Variants in SMC4 observed in about 807,000 individuals in gnomAD.
SMC4 encodes structural maintenance of chromosomes 4, also known as structural maintenance of chromosomes protein 4.
Under a neutral mutation model 145.6 loss-of-function variants are expected in SMC4, and 87 were observed. The observed-to-expected ratio is 0.60, with a 90% CI of 0.50 to 0.71. The LOEUF (loss-of-function observed/expected upper bound fraction) is 0.71. SMC4 is among the 30% of genes least tolerant of loss of function. SMC4 has a pLI of 0.00. For missense variants in SMC4, 1,447 were observed against 1,537.1 expected, an observed-to-expected ratio of 0.94 and a Z score of 0.98; for synonymous variants, 558 against 500.7, an observed-to-expected ratio of 1.11 and a Z score of -1.53.
chr3:160,416,471 AAAGATTATTT>A, intron 10 of SMC4, 56 bp downstream of exon 10: 1 of 1,145,792 alleles, frequency 8.7e-7, no homozygotes, highest in South Asian at 2.2e-5. Flanking sequence ...TTTTTAACTT[AAAGATTATTT>A]TTTCAAAAAT....
At chr3:160,419,581 T>TG in intron 12 of SMC4, 38 bp downstream of exon 12, 1 of 1,554,766 alleles carries the variant, frequency 6.4e-7, no homozygotes, top group Non-Finnish European at 8.6e-7. Context: ...TTTACTTTTT[T>TG]TTTTTAAGAA....
Position 160,402,760 on chromosome 3 carries a change from C to CA in SMC4, c.409dup (p.Ile137AsnfsTer4). 1 of 1,611,130 alleles carries CA rather than the reference C, an allele frequency of 6.2e-7. No homozygotes were observed. The highest frequency in any genetic ancestry group is 8.5e-7 in the Non-Finnish European group (1 of 1,179,134). On this transcript the variant is annotated frameshift_variant, in exon 4 of 24. Transcript: ENST00000357388. LOFTEE classifies it high-confidence loss of function. ...GCTTTTTGTGTTTGGCTATCGAGCA[C>CA]AAAAAATAAGATCTAAAAAACTCTC...
At chr3:160,413,284 A>G (rs1308782671) in intron 7 of SMC4, among the ~76,000 whole-genome samples, 189 bp from the exon 8 acceptor site, 6 of 152,014 alleles carry the variant, frequency 3.9e-5, no homozygotes, top group African/African-American at 7.3e-5. Context: ...ACATTGGTAC[A>G]ATGAAATCGA....
intron 7 of SMC4, chr3:160,412,660 A>G: frequency 9.6e-6 from 10 of 1,042,106 alleles, no homozygotes; most frequent in South Asian, 4.6e-5. Flanking sequence ...CTGGGAGTTC[A>G]AGACCAGCCT....
At chr3:160,432,858 T>A (rs903218628) in intron 22 of SMC4, 168 bp from the exon 23 acceptor site, 1 of 594,432 alleles carries the variant, frequency 1.7e-6, no homozygotes, top group Non-Finnish European at 3.0e-6. Context: ...TATGTATGCA[T>A]CCTCCAATAA....
intron 22 of SMC4, chr3:160,432,744 T>A (rs1218226484): frequency 1.9e-6 from 1 of 527,612 alleles, no homozygotes; most frequent in Non-Finnish European, 3.3e-6. Flanking sequence ...TTCAAGGCAT[T>A]TTTAACATGA....
chr3:160,418,921 C>T (rs961978777), intron 11 of SMC4, among the ~76,000 whole-genome samples: 9 of 152,082 alleles, frequency 5.9e-5, no homozygotes, highest in Admixed American at 5.2e-4. Flanking sequence ...GCTTTTTCTC[C>T]AGTACCCCCC....
chr3:160,413,761 C>T (rs1402924273), intron 8 of SMC4, 148 bp downstream of exon 8: 1 of 486,490 alleles, frequency 2.1e-6, no homozygotes, highest in Non-Finnish European at 3.5e-6. Context: ...AAAAAACTTG[C>T]CTTGCATCCA....
intron 20 of SMC4, 72 bp from the exon 21 acceptor site, chr3:160,431,571 T>C: frequency 8.7e-7 from 1 of 1,155,970 alleles, no homozygotes; most frequent in Non-Finnish European, 1.2e-6. Context: ...TAATTTGTCA[T>C]ATTTTTTTTT....
At position 160,404,457 on chromosome 3, in the gene SMC4, C is replaced by T. The variant is rs368979205; in HGVS notation, c.640C>T (p.Arg214Ter). The change falls in exon 5 of 24, where the codon CGA (arginine) becomes TGA (stop). Residue 214 changes from arginine to a stop codon, truncating the protein, a stop_gained. Coordinates refer to ENST00000357388, the MANE Select transcript of SMC4 (RefSeq NM_001002800.3). LOFTEE classifies it high-confidence loss of function. The part of the protein sequence containing the change: ...KTFKDVGNLL[R>*]SHGIDLDHNR... ...ATTTAAGGATGTTGGAAATCTTCTT[C>T]GAAGCCATGGAATTGACTTGGACCA... 58 of 1,610,450 alleles carry T rather than the reference C, an allele frequency of 3.6e-5. No homozygotes were observed. Among genetic ancestry groups the T allele is most frequent in the Non-Finnish European group, 4.9e-5 (58 of 1,178,900 alleles).
chr3:160,399,796 G>C (rs186856498), intron 1 of SMC4, 47 bp downstream of exon 1: 2 of 152,390 alleles, frequency 1.3e-5, no homozygotes, highest in African/African-American at 4.8e-5. Context: ...CTTACTTCCT[G>C]CCTTGTCCGC....
chr3:160,412,478 A>G (rs1716113356), intron 7 of SMC4, 25 bp downstream of exon 7: 1 of 1,577,066 alleles, frequency 6.3e-7, no homozygotes, highest in Non-Finnish European at 8.6e-7. Flanking sequence ...TGATATTACC[A>G]ATTTTTATAT....
intron 11 of SMC4, among the ~76,000 whole-genome samples, chr3:160,418,309 T>A (rs1716800881): frequency 6.6e-6 from 1 of 152,176 alleles, no homozygotes. Context: ...CAAACAACTA[T>A]CTTAATGTGT....
rs1718789411 is a variant in SMC4 at position 160,434,625 on chromosome 3, A to AAAGT, written c.*820_*823dup. On this transcript the variant is annotated 3_prime_UTR_variant, in exon 24 of 24. Coordinates refer to ENST00000357388, the MANE Select transcript of SMC4 (RefSeq NM_001002800.3). ...GGTTAATTACTTTAGTAATAAGTGG[A>AAAGT]AAGTAAGATACCTTGAGTAATGTTT... The AAAGT allele has an allele frequency of 6.6e-6, 1 of 152,234 alleles. No individual in the cohort carries two copies. Among genetic ancestry groups the AAAGT allele is most frequent in the African/African-American group, 2.4e-5 (1 of 41,464 alleles). The allele number at this position is 152,234 out of a possible 1,614,324, so 9.4% of individuals were successfully genotyped here.
intron 16 of SMC4, among the ~76,000 whole-genome samples, chr3:160,425,316 T>G (rs1317338100): frequency 6.6e-6 from 1 of 151,598 alleles, no homozygotes; most frequent in Non-Finnish European, 1.5e-5. Context: ...CAAAGTGGAA[T>G]TTTTTTTAAT....
In SMC4 at chr3:160,420,651, C is replaced by A. The variant is rs148794775; in HGVS notation, c.1858-89C>A. ...AAAACCATGTCTACATAAAGTTTTT[C>A]AATTAAAAGAAGTTTTTAAAACTTG... On this transcript the variant is annotated intron_variant, in intron 12 of 23. Transcript: ENST00000357388. The A allele has an allele frequency of 3.8e-5, 53 of 1,380,714 alleles. No homozygotes were observed. In the African/African-American group the frequency reaches 7.2e-4, roughly 19 times the overall value. The allele number at this position is 1,380,714 out of a possible 1,614,324, so 85.5% of individuals were successfully genotyped here.
chr3:160,400,572 A>T (rs1714459785), intron 1 of SMC4: 1 of 450,516 alleles, frequency 2.2e-6, no homozygotes, highest in Non-Finnish European at 3.9e-6. Flanking sequence ...CAAACTAAGC[A>T]GTTGCTCAAT....
chr3:160,412,200 T>A, intron 6 of SMC4, 116 bp downstream of exon 6: 1 of 1,422,906 alleles, frequency 7.0e-7, no homozygotes, highest in Non-Finnish European at 9.5e-7. Context: ...TATATTGAAA[T>A]TTATATCTTA....
rs1323625927 is a variant in SMC4, at chr3:160,414,514, A to T, written c.1269A>T (p.Glu423Asp). The T allele has an allele frequency of 5.0e-6, 8 of 1,610,204 alleles. No individual in the cohort carries two copies. The highest frequency in any genetic ancestry group is 6.8e-6 in the Non-Finnish European group (8 of 1,178,744). The change falls in exon 9 of 24, where the codon GAA (glutamate) becomes GAT (aspartate). Residue 423 changes from glutamate to aspartate, a missense_variant. By Grantham distance (45) the Glu-to-Asp change is conservative. Coordinates refer to ENST00000357388, the MANE Select transcript of SMC4 (RefSeq NM_001002800.3). ...AGAAACAACTTCAAAAAGATAAAGA[A>T]AAGGTAGGTGTTAGAAAAAAATTCT... Reference protein sequence around the residue: ...KLEKQLQKDKEKVEEFKSIPA... With the variant: ...KLEKQLQKDKDKVEEFKSIPA...
Sources: gnomAD v4.1 joint callset for allele counts (sites outside exome capture counted in the v4.1 genomes callset) on GRCh38, gnomAD v4.1.1 for gene constraint, MANE v1.5 for transcripts, NCBI Gene and HGNC (gene_info 2026-07-23, HGNC 2026-07-21) for gene names.